CFAP299: variants seen among roughly 807,000 people sequenced by gnomAD.
The protein encoded by CFAP299 is cilia- and flagella-associated protein 299.
Under a neutral mutation model 27.0 loss-of-function variants are expected in CFAP299, and 21 were observed. That is an observed-to-expected ratio of 0.78 (90% CI 0.55 to 1.12). The LOEUF (loss-of-function observed/expected upper bound fraction) is 1.12. Ranked by LOEUF, CFAP299 falls within the 50% of genes most tolerant of loss-of-function variation. The pLI, the probability that CFAP299 is intolerant of heterozygous loss-of-function variation, is 0.00. For synonymous variants in CFAP299, 104 were observed against 98.1 expected (o/e 1.06, Z -0.36); for missense variants, 310 against 276.6 (o/e 1.12, Z -0.86).
chr4:80,350,460 T>G (rs531593104), intron 1 of CFAP299, among the ~76,000 whole-genome samples: 1 of 152,286 alleles, frequency 6.6e-6, no homozygotes, highest in East Asian at 1.9e-4. Context: ...TTATAAATCA[T>G]TCTACTATAA....
chr4:80,961,073 C>T (rs908818071), intron 5 of CFAP299, among the ~76,000 whole-genome samples: 2 of 150,776 alleles, frequency 1.3e-5, no homozygotes, highest in African/African-American at 4.9e-5. Context: ...ATCTTGGGAC[C>T]TATATTCAAG....
At position 80,364,912 on chromosome 4, in the gene CFAP299, C is replaced by T. The variant is rs1276063753; in HGVS notation, c.242+2028C>T. Among the ~76,000 whole-genome samples, 5 of 152,290 alleles carry T rather than the reference C, an allele frequency of 3.3e-5. No individual in the cohort carries two copies. The East Asian group carries it at 7.7e-4, about 23-fold the overall frequency. ...TGAGGAAAACGGCTTCCAGCTCCAT[C>T]CATGTTCCTGCAAAGGACATCATCT... On this transcript the variant is annotated intron_variant, in intron 2 of 5. Transcript: ENST00000358105.
At chr4:80,639,706 CTT>C (rs1181320618) in intron 3 of CFAP299, 1 of 153,392 alleles carries the variant, frequency 6.5e-6, no homozygotes, top group East Asian at 1.9e-4. Flanking sequence ...GAGTTTCGCT[CTT>C]GTTGCCCAGG....
intron 4 of CFAP299, among the ~76,000 whole-genome samples, chr4:80,875,345 T>C (rs1578204573): frequency 6.6e-6 from 1 of 152,202 alleles, no homozygotes; most frequent in East Asian, 1.9e-4. Flanking sequence ...ATCTTGGACT[T>C]GAAATTTTCT....
intron 3 of CFAP299, among the ~76,000 whole-genome samples, chr4:80,669,119 CTTT>C (rs1741303254): frequency 2.0e-5 from 1 of 49,288 alleles, no homozygotes; most frequent in Admixed American, 1.9e-4. Context: ...CTTTTCTTTT[CTTT>C]TCTTTTCTGT....
chr4:80,676,565 C>T (rs1719473183), intron 3 of CFAP299, among the ~76,000 whole-genome samples: 1 of 152,058 alleles, frequency 6.6e-6, no homozygotes, highest in Non-Finnish European at 1.5e-5. Context: ...AACTCAACTA[C>T]AAAGCTATCA....
intron 2 of CFAP299, among the ~76,000 whole-genome samples, chr4:80,453,676 A>G (rs1019599800): frequency 1.3e-5 from 2 of 151,618 alleles, no homozygotes; most frequent in African/African-American, 2.4e-5. Context: ...CCCCGTCTCT[A>G]CTAAAAATAC....
chr4:80,863,079 T>C (rs1732482176), intron 3 of CFAP299, among the ~76,000 whole-genome samples: 1 of 152,164 alleles, frequency 6.6e-6, no homozygotes, highest in Non-Finnish European at 1.5e-5. Context: ...CATTTGTCTC[T>C]ATCAGAGAGC....
chr4:80,798,354 GATA>G (rs1727990311), intron 3 of CFAP299, among the ~76,000 whole-genome samples: 1 of 152,074 alleles, frequency 6.6e-6, no homozygotes, highest in South Asian at 2.1e-4. Flanking sequence ...TCAGGAAGGG[GATA>G]TTGCCACTAC....
At chr4:80,700,939 T>A (rs995351656) in intron 3 of CFAP299, among the ~76,000 whole-genome samples, 9 of 152,072 alleles carry the variant, frequency 5.9e-5, no homozygotes, top group African/African-American at 1.9e-4. Context: ...TGCCAGCCAC[T>A]GTTCTAAGCA....
chr4:80,858,240 G>C (rs1305552207), intron 3 of CFAP299, among the ~76,000 whole-genome samples: 3 of 151,996 alleles, frequency 2.0e-5, no homozygotes, highest in Non-Finnish European at 4.4e-5. Context: ...ATTTCTGTGG[G>C]ATCGGTGGTG....
chr4:80,394,069 T>A (rs918939264), intron 2 of CFAP299, among the ~76,000 whole-genome samples: 44 of 152,148 alleles, frequency 2.9e-4, no homozygotes, highest in African/African-American at 1.1e-3. Flanking sequence ...TCCTGTTGCC[T>A]TGTGAAGAAG....
At chr4:80,496,400 C>T (rs1454667320) in intron 2 of CFAP299, among the ~76,000 whole-genome samples, 3 of 152,214 alleles carry the variant, frequency 2.0e-5, no homozygotes, top group Non-Finnish European at 4.4e-5. Flanking sequence ...GAACACGATG[C>T]AGCCAGGGTC....
chr4:80,373,618 A>G (rs897804540), intron 2 of CFAP299, among the ~76,000 whole-genome samples: 8 of 152,124 alleles, frequency 5.3e-5, no homozygotes, highest in Non-Finnish European at 8.8e-5. Context: ...AAGGATTACC[A>G]TGTTCTATAA....
chr4:80,769,674 A>G (rs1048279624), intron 3 of CFAP299, among the ~76,000 whole-genome samples: 1 of 152,164 alleles, frequency 6.6e-6, no homozygotes, highest in African/African-American at 2.4e-5. Flanking sequence ...GATTATAGGC[A>G]TGAGCCACCA....
chr4:80,884,765 G>A lies in CFAP299; in HGVS notation c.476+14630G>A, dbSNP rs150431910. On this transcript the variant is annotated intron_variant, in intron 4 of 5. Coordinates refer to ENST00000358105, the MANE Select transcript of CFAP299 (RefSeq NM_152770.3). ...GCTAGACCAAGAAATAAAGGAGAGA[G>A]GGTGGAGCAAGATGGCAGAATAGAA... Among the ~76,000 whole-genome samples, 891 of 151,788 alleles carry A rather than the reference G, an allele frequency of 5.9e-3. 13 individuals carry two copies. The highest frequency in any genetic ancestry group is 0.055 in the South Asian group (263 of 4,790).
In CFAP299 at chr4:80,902,985, T is replaced by A. The variant is rs576794395; in HGVS notation, c.476+32850T>A. Among the ~76,000 whole-genome samples the A allele has an allele frequency of 4.0e-3, 616 of 152,262 alleles. 1 individual carries two copies. Among genetic ancestry groups the A allele is most frequent in the Middle Eastern group, 0.014 (4 of 294 alleles). On this transcript the variant is annotated intron_variant, in intron 4 of 5. Transcript: ENST00000358105. Reference sequence around the variant, plus strand: ...TGACATATTTTAGTATAATTTCTTATAAAGTGTTACTATATAACCAAGAAA... The same window carrying A: ...TGACATATTTTAGTATAATTTCTTAAAAAGTGTTACTATATAACCAAGAAA...
At chr4:80,701,853 A>G (rs1198046879) in intron 3 of CFAP299, among the ~76,000 whole-genome samples, 1 of 152,024 alleles carries the variant, frequency 6.6e-6, no homozygotes, top group Non-Finnish European at 1.5e-5. Context: ...TGAACTTGCC[A>G]ATGTGATACT....
chr4:80,541,302 G>T (rs1258774287), intron 2 of CFAP299, among the ~76,000 whole-genome samples: 2 of 152,072 alleles, frequency 1.3e-5, no homozygotes, highest in Non-Finnish European at 2.9e-5. Context: ...TTGTTTCCAT[G>T]TTGCTTCATT....
Sources: gnomAD v4.1 joint callset for allele counts (sites outside exome capture counted in the v4.1 genomes callset) on GRCh38, gnomAD v4.1.1 for gene constraint, MANE v1.5 for transcripts, NCBI Gene and HGNC (gene_info 2026-07-23, HGNC 2026-07-21) for gene names.